Variants in CCSER1 observed in about 807,000 individuals in gnomAD.
CCSER1 encodes coiled-coil serine rich protein 1.
A neutral mutation model predicts 82.0 loss-of-function variants in CCSER1; 41 were observed. That is an observed-to-expected ratio of 0.50 (90% CI 0.39 to 0.65). The LOEUF is 0.65. Ranked by LOEUF, CCSER1 falls within the 30% of genes least tolerant of loss-of-function variation. The probability of loss-of-function intolerance (pLI) is 0.00; values close to 1 mark genes in which losing one functional copy is unlikely to be tolerated. For synonymous variants in CCSER1, 414 were observed against 383.9 expected, an observed-to-expected ratio of 1.08 and a Z score of -0.92; for missense variants, 1,119 against 1,064.2, an observed-to-expected ratio of 1.05 and a Z score of -0.72.
intron 9 of CCSER1, among the ~76,000 whole-genome samples, chr4:91,047,347 A>G (rs1448621114): frequency 6.6e-6 from 1 of 152,172 alleles, no homozygotes; most frequent in African/African-American, 2.4e-5. Flanking sequence ...CATTTTCAAT[A>G]CCTATTTATT....
chr4:91,448,773 G>A (rs892339274), intron 10 of CCSER1, among the ~76,000 whole-genome samples: 1 of 152,024 alleles, frequency 6.6e-6, no homozygotes, highest in African/African-American at 2.4e-5. Context: ...TTCAACAAAT[G>A]TTTATGTATC....
At chr4:91,418,137 T>C (rs1002051654) in intron 10 of CCSER1, among the ~76,000 whole-genome samples, 1 of 151,706 alleles carries the variant, frequency 6.6e-6, no homozygotes, top group Admixed American at 6.6e-5. Context: ...AAAAGAAAGA[T>C]ACTGGATAAA....
chr4:90,675,415 A>C (rs1733653041), intron 6 of CCSER1, among the ~76,000 whole-genome samples: 1 of 151,968 alleles, frequency 6.6e-6, no homozygotes, highest in Non-Finnish European at 1.5e-5. Flanking sequence ...TTGTACAGCT[A>C]GTTATAGCTG....
At chr4:91,019,696 C>T (rs746663199) in intron 9 of CCSER1, among the ~76,000 whole-genome samples, 1 of 152,072 alleles carries the variant, frequency 6.6e-6, no homozygotes, top group Non-Finnish European at 1.5e-5. Context: ...GTAATTCACT[C>T]AGAAGAGGCA....
intron 1 of CCSER1, among the ~76,000 whole-genome samples, chr4:90,252,309 T>C (rs1722540417): frequency 6.6e-6 from 1 of 151,874 alleles, no homozygotes; most frequent in Non-Finnish European, 1.5e-5. Flanking sequence ...CTATATATGT[T>C]TATGGATAGT....
intron 3 of CCSER1, among the ~76,000 whole-genome samples, chr4:90,361,705 C>T (rs532049160): frequency 4.6e-5 from 7 of 152,266 alleles, no homozygotes; most frequent in Middle Eastern, 3.4e-3. Flanking sequence ...TTTATGTCCA[C>T]ATGTACCCAA....
chr4:91,557,173 T>C (rs929964602), intron 10 of CCSER1, among the ~76,000 whole-genome samples: 1 of 151,428 alleles, frequency 6.6e-6, no homozygotes, highest in Non-Finnish European at 1.5e-5. Context: ...CAAGGATACA[T>C]CAGAGCTCCT....
At chr4:90,870,307 C>T (rs529136545) in intron 8 of CCSER1, among the ~76,000 whole-genome samples, 1 of 151,992 alleles carries the variant, frequency 6.6e-6, no homozygotes, top group South Asian at 2.1e-4. Flanking sequence ...TCTCTGTTCA[C>T]TATGATAACT....
At chr4:90,564,718 G>T (rs1423693000) in intron 5 of CCSER1, among the ~76,000 whole-genome samples, 1 of 150,776 alleles carries the variant, frequency 6.6e-6, no homozygotes, top group African/African-American at 2.5e-5. Context: ...TGAGATAAGA[G>T]TCTAATTCAT....
chr4:90,394,304 A>C (rs895179342), intron 3 of CCSER1, among the ~76,000 whole-genome samples: 118 of 152,236 alleles, frequency 7.8e-4, no homozygotes, highest in African/African-American at 2.8e-3. Context: ...TGCCCTTTAC[A>C]TTCATTGTCA....
chr4:90,820,262 T>C (rs1449690023), intron 8 of CCSER1, among the ~76,000 whole-genome samples: 1 of 152,242 alleles, frequency 6.6e-6, no homozygotes, highest in Non-Finnish European at 1.5e-5. Flanking sequence ...AACTGTCAAA[T>C]AATACCACTG....
At chr4:90,337,331 T>G (rs904295012) in intron 3 of CCSER1, among the ~76,000 whole-genome samples, 5 of 152,056 alleles carry the variant, frequency 3.3e-5, no homozygotes, top group African/African-American at 9.7e-5. Context: ...GGAGAAGGGG[T>G]TGTGACCCAC....
Position 90,309,434 on chromosome 4 carries a change from A to C in CCSER1, c.1150A>C (p.Thr384Pro). The part of the protein sequence containing the change: ...EENIGLQNGE[T>P]MLGTNSPRKL... Reference sequence around the variant, plus strand: ...AAATATAGGGTTACAAAATGGTGAAACAATGCTGGGGACAAACTCCCCAAG... The same window carrying C: ...AAATATAGGGTTACAAAATGGTGAACCAATGCTGGGGACAAACTCCCCAAG... Residue 384 changes from threonine (T) to proline (P), a missense_variant, in exon 2 of 11, where the codon ACA becomes CCA. By Grantham distance (38) the Thr-to-Pro change is conservative. Transcript: ENST00000509176. The C allele has an allele frequency of 1.9e-6, 3 of 1,613,896 alleles. No individual in the cohort carries two copies. The highest frequency in any genetic ancestry group is 2.5e-6 in the Non-Finnish European group (3 of 1,179,814).
chr4:91,106,225 C>A (rs979879894), intron 10 of CCSER1, among the ~76,000 whole-genome samples: 22 of 152,162 alleles, frequency 1.4e-4, no homozygotes, highest in African/African-American at 5.1e-4. Flanking sequence ...TCATTTAATT[C>A]TCCAGTAAAC....
At chr4:90,448,633 A>G (rs2153576998) in intron 4 of CCSER1, among the ~76,000 whole-genome samples, 1 of 151,864 alleles carries the variant, frequency 6.6e-6, no homozygotes, top group Non-Finnish European at 1.5e-5. Flanking sequence ...ACTTATGTCA[A>G]TAATTTTTTT....
At chr4:91,066,164 T>G (rs1386866295) in intron 9 of CCSER1, among the ~76,000 whole-genome samples, 1 of 152,208 alleles carries the variant, frequency 6.6e-6, no homozygotes. Flanking sequence ...TCCAGGACAT[T>G]ATTTAGGTAA....
intron 6 of CCSER1, among the ~76,000 whole-genome samples, chr4:90,660,576 TA>T: frequency 6.6e-6 from 1 of 152,228 alleles, no homozygotes; most frequent in East Asian, 1.9e-4. Context: ...GTGTAAGCCA[TA>T]AAATCATATA....
chr4:90,748,192 C>A (rs1217243183), intron 7 of CCSER1, among the ~76,000 whole-genome samples: 3 of 106,754 alleles, frequency 2.8e-5, no homozygotes, highest in Non-Finnish European at 5.6e-5. Context: ...CCCCCTCCCC[C>A]CACCCCACAA....
chr4:91,168,182 C>G (rs377081043), intron 10 of CCSER1, among the ~76,000 whole-genome samples: 1,257 of 116,840 alleles, frequency 0.011, 6 homozygotes, highest in African/African-American at 0.027. Flanking sequence ...GGCCGCCCAT[C>G]GTCTGGGAAG....
Sources: gnomAD v4.1 joint callset for allele counts (sites outside exome capture counted in the v4.1 genomes callset) on GRCh38, gnomAD v4.1.1 for gene constraint, MANE v1.5 for transcripts, NCBI Gene and HGNC (gene_info 2026-07-23, HGNC 2026-07-21) for gene names.